Variants in OR52N4 observed in about 807,000 individuals in gnomAD.
OR52N4 encodes the protein olfactory receptor family 52 subfamily N member 4.
Under a neutral mutation model 15.0 loss-of-function variants are expected in OR52N4, and 15 were observed. The observed-to-expected ratio is 1.00, with a 90% CI of 0.67 to 1.54. The LOEUF (loss-of-function observed/expected upper bound fraction) is 1.54, where lower values mean the gene tolerates loss of function less well. Ranked by LOEUF, OR52N4 falls within the 40% of genes most tolerant of loss-of-function variation. OR52N4 has a pLI of 0.00. For missense variants in OR52N4, 421 were observed against 394.0 expected, an observed-to-expected ratio of 1.07 and a Z score of -0.58; for synonymous variants, 143 against 143.7, an observed-to-expected ratio of 1.00 and a Z score of 0.03.
At chr11:5,750,585 A>C (rs772041980), upstream of OR52N4, among the ~76,000 whole-genome samples, 1 of 152,014 alleles carries the variant, frequency 6.6e-6, no homozygotes, top group African/African-American at 2.4e-5. Flanking sequence ...AAGTAGTTTT[A>C]TAAATGGATT....
At chr11:5,742,444 G>A in the OR52N4 span, among the ~76,000 whole-genome samples, 1 of 152,112 alleles carries the variant, frequency 6.6e-6, no homozygotes, top group Non-Finnish European at 1.5e-5. Flanking sequence ...AAGCCAATAT[G>A]AAGGAAAAGA....
At chr11:5,741,077 G>A in the OR52N4 span, among the ~76,000 whole-genome samples, 2 of 145,260 alleles carry the variant, frequency 1.4e-5, 1 homozygote, top group Non-Finnish European at 3.0e-5. Context: ...AGAAGTTTAT[G>A]CAGGAAGATA....
At chr11:5,747,451 C>A in the OR52N4 span, among the ~76,000 whole-genome samples, 1,144 of 152,074 alleles carry the variant, frequency 7.5e-3, 15 homozygotes, top group African/African-American at 0.026. Flanking sequence ...GTCCTCACCA[C>A]AAAAATGACA....
upstream of OR52N4, among the ~76,000 whole-genome samples, chr11:5,749,864 C>T (rs1854153439): frequency 6.6e-6 from 1 of 151,820 alleles, no homozygotes; most frequent in Non-Finnish European, 1.5e-5. Flanking sequence ...CTTTCCACAC[C>T]CCAGCATAGC....
chr11:5,748,667 A>T, the OR52N4 span, among the ~76,000 whole-genome samples: 1 of 152,024 alleles, frequency 6.6e-6, no homozygotes, highest in Non-Finnish European at 1.5e-5. Context: ...TAATTGAAAG[A>T]AGTAAAATGA....
chr11:5,727,439 A>G, the OR52N4 span: 30,766 of 152,106 alleles, frequency 0.2, 3,572 homozygotes, highest in African/African-American at 0.3. Context: ...AGTGGGCAGG[A>G]AATGGGCATC....
the OR52N4 span, among the ~76,000 whole-genome samples, chr11:5,730,887 C>T: frequency 2.6e-5 from 4 of 151,498 alleles, no homozygotes; most frequent in South Asian, 2.1e-4. Context: ...CAATTATGAC[C>T]GATGGTGTGC....
chr11:5,755,586 TTATCTGCTCCTACCACCCAC>T lies in OR52N4; in HGVS notation c.850_869del (p.Leu284GlufsTer24). 1 of 1,613,916 alleles carries T rather than the reference TTATCTGCTCCTACCACCCAC, an allele frequency of 6.2e-7. No individual in the cohort carries two copies. The highest frequency in any genetic ancestry group is 8.5e-7 in the Non-Finnish European group (1 of 1,179,840). On this transcript the variant is annotated frameshift_variant, in exon 2 of 2. Transcript: ENST00000641350. LOFTEE classifies it high-confidence loss of function. ...CTTGCCACATCATTGTAGCCAATAT[TTATCTGCTCCTACCACCCAC>T]TATGAACCCTATTGTCTATGGGGTG...
At chr11:5,728,554 C>T in the OR52N4 span, among the ~76,000 whole-genome samples, 1 of 152,168 alleles carries the variant, frequency 6.6e-6, no homozygotes, top group Non-Finnish European at 1.5e-5. Flanking sequence ...CAATAGTACA[C>T]ATTTTTTGCT....
At position 5,754,788 on chromosome 11, in the gene OR52N4, G is replaced by A. The variant is rs759407480; in HGVS notation, c.48G>A (p.Leu16=). 1.2e-6 allele frequency: 2 copies of A among 1,613,346 alleles called. No individual in the cohort carries two copies. The highest frequency in any genetic ancestry group is 1.7e-6 in the Non-Finnish European group (2 of 1,179,608). Residue 16 remains leucine, a synonymous_variant, in exon 2 of 2, where the codon CTG becomes CTA. Coordinates refer to ENST00000641350, the MANE Select transcript of OR52N4 (RefSeq NM_001005175.5). ...ACCTAATACCAGCTTCATTTATTCT[G>A]AATGGAGTCCCAGGACTGGAAGACA... ...KTDLIPASFI[L]NGVPGLEDTQ... is the part of the protein sequence containing the mutation.
At chr11:5,730,905 A>G in the OR52N4 span, among the ~76,000 whole-genome samples, 1 of 151,738 alleles carries the variant, frequency 6.6e-6, no homozygotes, top group Non-Finnish European at 1.5e-5. Flanking sequence ...TGCTTAACTA[A>G]TTCCTTCCCA....
At chr11:5,743,514 A>C in the OR52N4 span, among the ~76,000 whole-genome samples, 1 of 152,206 alleles carries the variant, frequency 6.6e-6, no homozygotes, top group Non-Finnish European at 1.5e-5. Flanking sequence ...AAACTTAAAA[A>C]CTGAAATAAT....
At chr11:5,734,905 A>G in the OR52N4 span, among the ~76,000 whole-genome samples, 1 of 152,086 alleles carries the variant, frequency 6.6e-6, no homozygotes, top group Non-Finnish European at 1.5e-5. Flanking sequence ...ACTCTTTATC[A>G]AATTACATTC....
upstream of OR52N4, among the ~76,000 whole-genome samples, chr11:5,753,714 C>T (rs1047146666): frequency 5.3e-5 from 8 of 151,950 alleles, no homozygotes; most frequent in African/African-American, 1.2e-4. Context: ...TTTAAAGGGC[C>T]GGGCACAGTG....
At chr11:5,734,895 A>C in the OR52N4 span, among the ~76,000 whole-genome samples, 1 of 152,062 alleles carries the variant, frequency 6.6e-6, no homozygotes, top group East Asian at 1.9e-4. Context: ...AGATAATTTT[A>C]CTCTTTATCA....
chr11:5,739,922 G>C, the OR52N4 span, among the ~76,000 whole-genome samples: 6 of 128,168 alleles, frequency 4.7e-5, 1 homozygote, highest in African/African-American at 1.7e-4. Context: ...GAACTGGCCC[G>C]GCTAAGACTT....
upstream of OR52N4, among the ~76,000 whole-genome samples, chr11:5,752,461 TGGG>T (rs577790808): frequency 2.9e-4 from 44 of 152,274 alleles, no homozygotes; most frequent in Non-Finnish European, 5.6e-4. Flanking sequence ...CCTCCTCTGA[TGGG>T]GCACAAAAGA....
At chr11:5,739,506 G>A in the OR52N4 span, among the ~76,000 whole-genome samples, 1 of 113,478 alleles carries the variant, frequency 8.8e-6, no homozygotes, top group South Asian at 3.2e-4. Context: ...AGGCTGCAGT[G>A]AGCTGTGATC....
the OR52N4 span, among the ~76,000 whole-genome samples, chr11:5,747,271 C>A: frequency 6.6e-6 from 1 of 151,336 alleles, no homozygotes; most frequent in African/African-American, 2.4e-5. Context: ...TCAAGGCCAA[C>A]CAGCCTTTGC....
Sources: gnomAD v4.1 joint callset for allele counts (sites outside exome capture counted in the v4.1 genomes callset) on GRCh38, gnomAD v4.1.1 for gene constraint, MANE v1.5 for transcripts, NCBI Gene and HGNC (gene_info 2026-07-23, HGNC 2026-07-21) for gene names.